The following BICD2 variants were observed in gnomAD, a reference collection of about 807,000 sequenced individuals.
BICD2 encodes protein bicaudal D homolog 2.
Under a neutral mutation model 72.9 loss-of-function variants are expected in BICD2, and 25 were observed. The ratio of observed to expected loss-of-function variants is 0.34; its 90% CI spans 0.25 to 0.48. BICD2 has a LOEUF of 0.48. Ranked by LOEUF, BICD2 falls within the 20% of genes least tolerant of loss-of-function variation. The probability of loss-of-function intolerance (pLI) is 0.99; values close to 1 mark genes in which losing one functional copy is unlikely to be tolerated. For synonymous variants in BICD2, 501 were observed against 516.1 expected (o/e 0.97, Z 0.40); for missense variants, 894 against 1,175.2 (o/e 0.76, Z 3.50).
intron 1 of BICD2, among the ~76,000 whole-genome samples, chr9:92,754,848 T>A (rs1436478816): frequency 6.6e-6 from 1 of 152,166 alleles, no homozygotes; most frequent in African/African-American, 2.4e-5. Context: ...GTATGTCACC[T>A]CAGGACCCTG....
At chr9:92,726,332 C>G (rs1853566984) in intron 2 of BICD2, among the ~76,000 whole-genome samples, 1 of 152,078 alleles carries the variant, frequency 6.6e-6, no homozygotes, top group Non-Finnish European at 1.5e-5. Context: ...GACAGACAAC[C>G]AGTTGACCCA....
At chr9:92,728,963 T>G in intron 2 of BICD2, 61 bp downstream of exon 2, 1 of 1,564,048 alleles carries the variant, frequency 6.4e-7, no homozygotes, top group East Asian at 2.3e-5. Context: ...CAGGCACACC[T>G]GCTATGTGAC....
rs1197582019 is a variant in BICD2, at chr9:92,711,463, A to G, written c.*3691T>C. ...CACTGGCTTTGTAGGCATTCACATC[A>G]TATGTCTGTGTCCTGAAAATCTCAA... On this transcript the variant is annotated 3_prime_UTR_variant, in exon 7 of 7. Coordinates refer to ENST00000356884, the MANE Select transcript of BICD2 (RefSeq NM_001003800.2). 1 of 152,452 alleles carries G rather than the reference A, an allele frequency of 6.6e-6. No homozygotes were observed. The highest frequency in any genetic ancestry group is 1.9e-4 in the East Asian group (1 of 5,198). 9.4% of individuals were successfully genotyped at this position (152,452 alleles called of 1,614,324 possible).
intron 1 of BICD2, among the ~76,000 whole-genome samples, chr9:92,739,721 GC>G (rs895245638): frequency 6.6e-6 from 1 of 152,162 alleles, no homozygotes; most frequent in South Asian, 2.1e-4. Context: ...TGGCAGACTT[GC>G]CCCCCCAAAA....
intron 1 of BICD2, among the ~76,000 whole-genome samples, chr9:92,749,073 G>A (rs1854088402): frequency 6.6e-6 from 1 of 152,106 alleles, no homozygotes. Flanking sequence ...TAGACAGGGA[G>A]GAGGGAGGAG....
chr9:92,751,134 T>TTTGTTG lies in BICD2; in HGVS notation c.240+13365_240+13370dup, dbSNP rs199613227. On this transcript the variant is annotated intron_variant, in intron 1 of 6. Coordinates refer to ENST00000356884, the MANE Select transcript of BICD2 (RefSeq NM_001003800.2). The stretch of plus-strand genomic sequence containing the variant: ...CCATGTTGGCCAGGGTGGTTGGTTT[T>TTTGTTG]TTGTTGTTGTTGTTGTTGTTGTTGT... Among the ~76,000 whole-genome samples, 256 of 150,454 alleles carry TTTGTTG rather than the reference T, an allele frequency of 1.7e-3. 1 individual carries two copies. The highest frequency in any genetic ancestry group is 3.8e-3 in the African/African-American group (154 of 41,042).
Position 92,720,603 on chromosome 9 carries a change from C to G in BICD2, c.759G>C (p.Gln253His), listed in dbSNP as rs761087136. The change falls in exon 4 of 7, where the codon CAG (glutamine) becomes CAC (histidine). Residue 253 changes from glutamine (Q) to histidine (H), a missense_variant. Transcript: ENST00000356884. This position sits in a 1 kb window ranked among gnomAD's most constrained non-coding sequence, Gnocchi z 5.4. ...ACAGCTCCTTGCGCAGGCTGTTCTT[C>G]TGTTCGCGCTCCGTCTTCAGGGTCT... ...ALETLKTERE[Q>H]KNSLRKELSH... 30 of 1,614,198 alleles carry G rather than the reference C, an allele frequency of 1.9e-5. No individual in the cohort carries two copies. In the East Asian group the frequency reaches 6.7e-4, roughly 36 times the overall value.
rs2296080 is a variant in BICD2 at position 92,728,812 on chromosome 9, T to C, written c.453+212A>G. ...TGAGACAGAAGCAAGCCAGAGGCAG[T>C]GGAACTTGTGGGTCCATCTCTCTCC... On this transcript the variant is annotated intron_variant, in intron 2 of 6. Coordinates refer to ENST00000356884, the MANE Select transcript of BICD2 (RefSeq NM_001003800.2). Among the ~76,000 whole-genome samples, 42,161 of 152,136 alleles carry C rather than the reference T, an allele frequency of 0.28. 6,922 individuals carry two copies. The highest frequency in any genetic ancestry group is 0.76 in the East Asian group (3,935 of 5,172).
intron 2 of BICD2, among the ~76,000 whole-genome samples, chr9:92,725,224 T>C (rs1325868543): frequency 1.3e-5 from 2 of 152,202 alleles, no homozygotes; most frequent in Non-Finnish European, 2.9e-5. Context: ...GGGTCCTTCA[T>C]CACCTGGCCC....
At position 92,764,831 on chromosome 9, in the gene BICD2, C is replaced by CGCCG; in HGVS notation, c.-88_-87insCGGC. On this transcript the variant is annotated 5_prime_UTR_variant, in exon 1 of 7. Transcript: ENST00000356884. The surrounding 1 kb of genome is among the most constrained non-coding windows in gnomAD (Gnocchi z 5.5). The stretch of plus-strand genomic sequence containing the variant: ...CCGCCGCTGCCGCCGCCGCCGCCGC[C>CGCCG]CTGCCCCGACGGCCGCCCGCCCGCC... 2.9e-6 allele frequency: 3 copies of CGCCG among 1,027,386 alleles called. No individual in the cohort carries two copies. The highest frequency in any genetic ancestry group is 3.5e-6 in the Non-Finnish European group (3 of 858,194). The allele number at this position is 1,027,386 out of a possible 1,614,324, so 63.6% of individuals were successfully genotyped here.
chr9:92,722,503 A>G (rs1432524357), intron 3 of BICD2, among the ~76,000 whole-genome samples, 153 bp downstream of exon 3: 2 of 152,040 alleles, frequency 1.3e-5, no homozygotes, highest in Non-Finnish European at 2.9e-5. Context: ...CACCAAGTAT[A>G]CCCCTGCCTC....
intron 1 of BICD2, among the ~76,000 whole-genome samples, chr9:92,730,684 C>T (rs1463703214): frequency 1.3e-5 from 2 of 152,082 alleles, no homozygotes; most frequent in East Asian, 1.9e-4. Context: ...CGTGGTGTTG[C>T]GGGGGACACC....
chr9:92,742,635 G>A (rs1357234709), intron 1 of BICD2, among the ~76,000 whole-genome samples: 2 of 151,876 alleles, frequency 1.3e-5, no homozygotes, highest in East Asian at 1.9e-4. Context: ...CGCCCACCTC[G>A]ACCTCCCAAA....
chr9:92,714,865 G>A lies in BICD2; in HGVS notation c.*289C>T, dbSNP rs2131495689. The A allele has an allele frequency of 8.3e-7, 1 of 1,204,728 alleles. No individual in the cohort carries two copies. Among genetic ancestry groups the A allele is most frequent in the Admixed American group, 4.4e-5 (1 of 22,966 alleles). 74.6% of individuals were successfully genotyped at this position (1,204,728 alleles called of 1,614,324 possible). On this transcript the variant is annotated 3_prime_UTR_variant, in exon 7 of 7. Coordinates refer to ENST00000356884, the MANE Select transcript of BICD2 (RefSeq NM_001003800.2). ...CACGGGTGCGCAGGGCTTAGAAGAT[G>A]CTTTCATCACACATCTGCTGCAAGA...
intron 1 of BICD2, among the ~76,000 whole-genome samples, chr9:92,743,346 C>A (rs997801415): frequency 6.7e-6 from 1 of 150,070 alleles, no homozygotes; most frequent in Non-Finnish European, 1.5e-5. Context: ...GCACGTGCCA[C>A]CATGCCAGCT....
At chr9:92,723,775 A>T (rs1297252103) in intron 2 of BICD2, among the ~76,000 whole-genome samples, 1 of 152,208 alleles carries the variant, frequency 6.6e-6, no homozygotes, top group African/African-American at 2.4e-5. Context: ...ATGTCATGGG[A>T]GAGGCTAGTG....
chr9:92,744,298 C>T (rs777525426), intron 1 of BICD2, among the ~76,000 whole-genome samples: 3 of 152,162 alleles, frequency 2.0e-5, no homozygotes, highest in Admixed American at 1.3e-4. Context: ...TACGGTGCAA[C>T]TCCATCTATA....
chr9:92,720,818 A>T lies in BICD2; in HGVS notation c.607-63T>A. 2 of 1,528,948 alleles carry T rather than the reference A, an allele frequency of 1.3e-6. No homozygotes were observed. The allele number at this position is 1,528,948 out of a possible 1,614,324, so 94.7% of individuals were successfully genotyped here. A position where few individuals can be genotyped will look rare whatever the true frequency, so the allele number is the denominator to read the frequency against. ...GTGGAAGCTCCTTTCAGGCCCCATA[A>T]ATGAAGAAAACACACCAGCACACCA... On this transcript the variant is annotated intron_variant, in intron 3 of 6. Coordinates refer to ENST00000356884, the MANE Select transcript of BICD2 (RefSeq NM_001003800.2). The surrounding 1 kb of genome is among the most constrained non-coding windows in gnomAD (Gnocchi z 5.4).
In BICD2 at chr9:92,722,797, A is replaced by C. The variant is rs780719508; in HGVS notation, c.465T>G (p.Asn155Lys). 2 of 1,614,054 alleles carry C rather than the reference A, an allele frequency of 1.2e-6. No individual in the cohort carries two copies. Among genetic ancestry groups the C allele is most frequent in the South Asian group, 2.2e-5 (2 of 91,076 alleles). ...GCAGGCGGCCACGCTGGATCTCCAC[A>C]TTCTGGTTGATCTGTTGGGGGAGAG... ...VAQELKEINQ[N>K]VEIQRGRLRD... Residue 155 changes from asparagine (N) to lysine (K), a missense_variant, in exon 3 of 7, where the codon AAT becomes AAG. Transcript: ENST00000356884.
Sources: gnomAD v4.1 joint callset for allele counts (sites outside exome capture counted in the v4.1 genomes callset) on GRCh38, gnomAD v4.1.1 for gene constraint, Gnocchi (gnomAD v3.1) non-coding constraint, MANE v1.5 for transcripts, NCBI Gene and HGNC (gene_info 2026-07-23, HGNC 2026-07-21) for gene names.